The following AIG1 variants were observed in gnomAD, a reference collection of about 807,000 sequenced individuals.
The protein encoded by AIG1 is androgen induced 1, also known as androgen-induced gene 1 protein.
Under a neutral mutation model 31.4 loss-of-function variants are expected in AIG1, and 23 were observed. That is an observed-to-expected ratio of 0.73 (90% CI 0.53 to 1.04). AIG1 has a LOEUF of 1.04. AIG1 is among the 50% of genes least tolerant of loss of function. The pLI, the probability that AIG1 is intolerant of heterozygous loss-of-function variation, is 0.00. For missense variants in AIG1, 274 were observed against 295.0 expected (o/e 0.93, Z 0.52); for synonymous variants, 100 against 110.5 (o/e 0.90, Z 0.60).
At chr6:143,322,364 C>A (rs1776282171) in intron 4 of AIG1, among the ~76,000 whole-genome samples, 1 of 152,134 alleles carries the variant, frequency 6.6e-6, no homozygotes, top group Non-Finnish European at 1.5e-5. Flanking sequence ...CTTCCTCCTC[C>A]CCCTCCAGAG....
At chr6:143,061,267 A>T (rs1209360240) in intron 1 of AIG1, 1 of 718,050 alleles carries the variant, frequency 1.4e-6, no homozygotes, top group Non-Finnish European at 2.5e-6. Flanking sequence ...TGAACCACTC[A>T]CCGTTACCTG....
At chr6:143,342,856 C>T (rs2128728942), downstream of AIG1, 1 of 829,018 alleles carries the variant, frequency 1.2e-6, no homozygotes, top group Non-Finnish European at 2.2e-6. Context: ...CTCAAAAGTC[C>T]GTTGTTCTCC....
At chr6:143,290,053 T>A (rs938049587) in intron 4 of AIG1, among the ~76,000 whole-genome samples, 11 of 152,116 alleles carry the variant, frequency 7.2e-5, no homozygotes, top group African/African-American at 2.7e-4. Context: ...TTTTCTGATT[T>A]TCTGGCATTG....
intron 1 of AIG1, among the ~76,000 whole-genome samples, chr6:143,106,715 C>T: frequency 6.6e-6 from 1 of 152,182 alleles, no homozygotes. Flanking sequence ...GGGGTGACTT[C>T]CCTGTGTCTT....
intron 2 of AIG1, among the ~76,000 whole-genome samples, chr6:143,151,860 T>C (rs565342011): frequency 2.9e-4 from 44 of 152,218 alleles, no homozygotes; most frequent in Non-Finnish European, 6.0e-4. Context: ...TAGTGGCTAG[T>C]AGTCAAATTA....
At chr6:143,188,990 G>A in intron 3 of AIG1, 2 of 984,740 alleles carry the variant, frequency 2.0e-6, no homozygotes, top group Non-Finnish European at 2.4e-6. Context: ...TGAGATAAAA[G>A]TCAAAGTTAT....
At chr6:143,096,751 TTCTG>T (rs901257868) in intron 1 of AIG1, among the ~76,000 whole-genome samples, 133 of 152,348 alleles carry the variant, frequency 8.7e-4, no homozygotes, top group African/African-American at 3.1e-3. Flanking sequence ...TTAATGACGC[TTCTG>T]TCTTTGAAAA....
At chr6:143,225,627 C>T (rs571224984) in intron 3 of AIG1, among the ~76,000 whole-genome samples, 26 of 152,166 alleles carry the variant, frequency 1.7e-4, no homozygotes, top group African/African-American at 6.3e-4. Flanking sequence ...ATGTTATTAG[C>T]TTTATTTGCC....
At chr6:143,067,298 G>T (rs1470637673) in intron 1 of AIG1, among the ~76,000 whole-genome samples, 2 of 152,184 alleles carry the variant, frequency 1.3e-5, no homozygotes, top group Admixed American at 6.5e-5. Flanking sequence ...CAAAGGCATG[G>T]TCTTATATTT....
At chr6:143,233,592 G>A (rs2117499) in intron 3 of AIG1, among the ~76,000 whole-genome samples, 75,334 of 138,218 alleles carry the variant, frequency 0.55, 22,525 homozygotes, top group East Asian at 0.88. Flanking sequence ...AAAAAAAAAA[G>A]AAAAGAAAAG....
Position 143,285,760 on chromosome 6 carries a change from C to T in AIG1, c.515+1535C>T, listed in dbSNP as rs115082553. 8.0e-3 allele frequency among the ~76,000 whole-genome samples: 1,219 copies of T among 152,180 alleles called. 14 individuals carry two copies. Among genetic ancestry groups the T allele is most frequent in the African/African-American group, 0.027 (1,110 of 41,520 alleles). ...TCCTAATTACTTTCTAAGTTTTTTG[C>T]CTCATCCAAAACCTTAAGTGTTGAC... On this transcript the variant is annotated intron_variant, in intron 4 of 5. Transcript: ENST00000357847.
intron 4 of AIG1, among the ~76,000 whole-genome samples, chr6:143,323,582 A>G (rs910527811): frequency 3.3e-5 from 5 of 152,304 alleles, no homozygotes; most frequent in African/African-American, 9.6e-5. Context: ...AAATTGATGC[A>G]TTAATTTTTT....
intron 2 of AIG1, among the ~76,000 whole-genome samples, chr6:143,139,832 C>G (rs1345827018): frequency 6.6e-6 from 1 of 152,142 alleles, no homozygotes; most frequent in Non-Finnish European, 1.5e-5. Context: ...ACTTCTCACT[C>G]TAATACACAG....
chr6:143,284,179 A>C lies in AIG1; in HGVS notation c.469A>C (p.Ser157Arg), dbSNP rs758207832. 1 of 1,614,170 alleles carries C rather than the reference A, an allele frequency of 6.2e-7. No individual in the cohort carries two copies. Among genetic ancestry groups the C allele is most frequent in the Non-Finnish European group, 8.5e-7 (1 of 1,180,000 alleles). ...TSHHQYPSRS[S>R]GLTAICTFSV... ...GCACCATCAGTATCCCAGCAGGAGC[A>C]GCGGACTTACCGCCATATGTACCTT... Residue 157 changes from serine to arginine, a missense_variant, in exon 4 of 6, where the codon AGC becomes CGC. Ser to Arg is a moderately radical substitution (Grantham distance 110). Coordinates refer to ENST00000357847, the MANE Select transcript of AIG1 (RefSeq NM_016108.4). This position sits in a 1 kb window ranked among gnomAD's most constrained non-coding sequence, Gnocchi z 4.4.
chr6:143,135,309 A>G (rs1783633931), intron 1 of AIG1, among the ~76,000 whole-genome samples: 1 of 152,128 alleles, frequency 6.6e-6, no homozygotes, highest in South Asian at 2.1e-4. Context: ...TAGGGCCAAC[A>G]TAGAGATTCA....
chr6:143,201,747 C>T (rs1790714440), intron 3 of AIG1, among the ~76,000 whole-genome samples: 1 of 152,166 alleles, frequency 6.6e-6, no homozygotes, highest in African/African-American at 2.4e-5. Flanking sequence ...TCCTTTCCTT[C>T]CTATCCTACT....
Position 143,280,323 on chromosome 6 carries a change from A to G in AIG1, c.400-3787A>G, listed in dbSNP as rs955860151. 3.9e-5 allele frequency among the ~76,000 whole-genome samples: 6 copies of G among 152,226 alleles called. No homozygotes were observed. Among genetic ancestry groups the G allele is most frequent in the Admixed American group, 2.6e-4 (4 of 15,282 alleles). ...TTGAAGGCAATATGACGATTCCTCAAAGAGCTAAAAGTAGAACTACCATTA... is the reference window on the plus strand; with the variant it reads ...TTGAAGGCAATATGACGATTCCTCAGAGAGCTAAAAGTAGAACTACCATTA... On this transcript the variant is annotated intron_variant, in intron 3 of 5. Transcript: ENST00000357847. This position sits in a 1 kb window ranked among gnomAD's most constrained non-coding sequence, Gnocchi z 4.1.
intron 1 of AIG1, among the ~76,000 whole-genome samples, chr6:143,110,429 T>C (rs1427149095): frequency 1.3e-5 from 2 of 152,216 alleles, no homozygotes; most frequent in Non-Finnish European, 2.9e-5. Context: ...TATTGTACCT[T>C]CCAGGAACCT....
chr6:143,080,797 G>C (rs1373269843), intron 1 of AIG1, among the ~76,000 whole-genome samples: 1 of 152,030 alleles, frequency 6.6e-6, no homozygotes, highest in Non-Finnish European at 1.5e-5. Flanking sequence ...GCTCGAGTGT[G>C]ACTTATCCAA....
Sources: gnomAD v4.1 joint callset for allele counts (sites outside exome capture counted in the v4.1 genomes callset) on GRCh38, gnomAD v4.1.1 for gene constraint, Gnocchi (gnomAD v3.1) non-coding constraint, MANE v1.5 for transcripts, NCBI Gene and HGNC (gene_info 2026-07-23, HGNC 2026-07-21) for gene names.